Variants in NOTO observed in about 807,000 individuals in gnomAD.
The protein encoded by NOTO is notochord homeobox.
Under a neutral mutation model 20.5 loss-of-function variants are expected in NOTO, and 19 were observed. That is an observed-to-expected ratio of 0.93 (90% CI 0.65 to 1.36). The LOEUF is 1.36. Ranked by LOEUF, NOTO falls within the 40% of genes most tolerant of loss-of-function variation. NOTO has a pLI of 0.00. For synonymous variants in NOTO, 150 were observed against 150.2 expected (o/e 1.00, Z 0.01); for missense variants, 369 against 336.2 (o/e 1.10, Z -0.76).
chr2:73,210,859 T>C lies in NOTO; in HGVS notation c.686T>C (p.Leu229Pro), dbSNP rs1686169691. ...GTTACATCTGCCGAGGCTGCCTCCC[T>C]GGATGAGCCTTCCAGCAGCTCCATC... ...AAVTSAEAAS[L>P]DEPSSSSIAS... The change falls in exon 3 of 3, where the codon CTG (leucine) becomes CCG (proline). Residue 229 changes from leucine to proline, a missense_variant. By Grantham distance (98) the Leu-to-Pro change is moderately conservative. Transcript: ENST00000398468. 6.4e-7 allele frequency: 1 copy of C among 1,551,524 alleles called. No individual in the cohort carries two copies. The highest frequency in any genetic ancestry group is 1.4e-5 in the African/African-American group (1 of 73,046).
intron 1 of NOTO, 120 bp downstream of exon 1, chr2:73,203,168 A>G (rs1574334174): frequency 2.3e-6 from 2 of 885,896 alleles, no homozygotes; most frequent in Non-Finnish European, 3.1e-6. Context: ...ACACGGCTGG[A>G]GTGGGAAGGG....
At chr2:73,208,325 G>A (rs1686116879) in intron 1 of NOTO, 75 bp from the exon 2 acceptor site, 2 of 995,870 alleles carry the variant, frequency 2.0e-6, no homozygotes, top group Non-Finnish European at 3.1e-6. Context: ...ATTTTGCCCA[G>A]ATGGGAGTGC....
chr2:73,208,102 G>A lies in NOTO; in HGVS notation c.383-298G>A, dbSNP rs1686114301. On this transcript the variant is annotated intron_variant, in intron 1 of 2. Transcript: ENST00000398468. ...GAAGCAGTCAAGGAGAGGAAAGGAA[G>A]GCAAAGAGAAGGGAGGTTTGGCAAC... 2.0e-5 allele frequency among the ~76,000 whole-genome samples: 3 copies of A among 152,246 alleles called. No homozygotes were observed. In the South Asian group the frequency reaches 6.2e-4, roughly 31 times the overall value.
rs1484864071 is a variant in NOTO, at chr2:73,202,900, C to G, written c.234C>G (p.Phe78Leu). The G allele has an allele frequency of 8.5e-6, 13 of 1,528,952 alleles. No individual in the cohort carries two copies. Among genetic ancestry groups the G allele is most frequent in the Non-Finnish European group, 1.1e-5 (12 of 1,142,682 alleles). The allele number at this position is 1,528,952 out of a possible 1,614,324, so 94.7% of individuals were successfully genotyped here. Reference protein sequence around the residue: ...PSGSACVHPAFWTAASLCATG... With the variant: ...PSGSACVHPALWTAASLCATG... The stretch of plus-strand genomic sequence containing the variant: ...GCTCCGCCTGCGTCCACCCGGCCTT[C>G]TGGACCGCTGCTTCCCTGTGCGCCA... Residue 78 changes from phenylalanine (F) to leucine (L), a missense_variant, in exon 1 of 3, where the codon TTC (phenylalanine) becomes TTG (leucine). Transcript: ENST00000398468.
Position 73,208,570 on chromosome 2 carries a change from A to C in NOTO, c.553A>C (p.Lys185Gln). The C allele has an allele frequency of 1.3e-6, 2 of 1,551,558 alleles. No individual in the cohort carries two copies. The highest frequency in any genetic ancestry group is 1.7e-6 in the Non-Finnish European group (2 of 1,146,958). ...FAKQHNLVGK[K>Q]RAQLAARLKL... ...AAAACAGCACAATCTGGTGGGGAAG[A>C]AGAGAGCCCAGCTGGCAGCTCGGCT... Residue 185 changes from lysine to glutamine, a missense_variant, in exon 2 of 3, where the codon AAG becomes CAG. Physicochemically the swap from Lys to Gln is moderately conservative, Grantham distance 53 (BLOSUM62 1). Transcript: ENST00000398468.
At chr2:73,209,775 A>T (rs543184813) in intron 2 of NOTO, among the ~76,000 whole-genome samples, 2 of 152,292 alleles carry the variant, frequency 1.3e-5, no homozygotes, top group Admixed American at 6.5e-5. Flanking sequence ...TAGATGTCTC[A>T]TGGGCACATA....
At chr2:73,206,779 A>T (rs534310562) in intron 1 of NOTO, among the ~76,000 whole-genome samples, 2 of 147,332 alleles carry the variant, frequency 1.4e-5, no homozygotes, top group Non-Finnish European at 3.0e-5. Context: ...CTAGGATTCC[A>T]ACTAGAGCTT....
At position 73,211,026 on chromosome 2, in the gene NOTO, T is replaced by A; in HGVS notation, c.*97T>A. 1.0e-6 allele frequency: 1 copy of A among 984,970 alleles called. No individual in the cohort carries two copies. Among genetic ancestry groups the A allele is most frequent in the South Asian group, 1.8e-5 (1 of 55,378 alleles). 61.0% of individuals were successfully genotyped at this position (984,970 alleles called of 1,614,324 possible). A position where few individuals can be genotyped will look rare whatever the true frequency, so the allele number is the denominator to read the frequency against. ...CCTCACACCTCAACGAAAAGCCTCC[T>A]CAACCAGAAGAATCTGAGCTGTCAA... On this transcript the variant is annotated 3_prime_UTR_variant, in exon 3 of 3. Coordinates refer to ENST00000398468, the MANE Select transcript of NOTO (RefSeq NM_001134462.2).
chr2:73,204,146 C>A (rs1686051876), intron 1 of NOTO, among the ~76,000 whole-genome samples: 1 of 149,384 alleles, frequency 6.7e-6, no homozygotes, highest in Non-Finnish European at 1.5e-5. Context: ...GGCGTGGTGG[C>A]GCGCGCTTGT....
chr2:73,208,108 G>A (rs1209124017), intron 1 of NOTO, among the ~76,000 whole-genome samples: 1 of 152,264 alleles, frequency 6.6e-6, no homozygotes, highest in Non-Finnish European at 1.5e-5. Flanking sequence ...GGAAGGCAAA[G>A]AGAAGGGAGG....
At chr2:73,207,673 G>C (rs988718130) in intron 1 of NOTO, among the ~76,000 whole-genome samples, 1 of 152,076 alleles carries the variant, frequency 6.6e-6, no homozygotes, top group African/African-American at 2.4e-5. Context: ...TCCTGCCTCA[G>C]CCTCCTGAGT....
chr2:73,203,967 C>A (rs565026764), intron 1 of NOTO, among the ~76,000 whole-genome samples: 2 of 130,712 alleles, frequency 1.5e-5, no homozygotes, highest in East Asian at 3.9e-4. Flanking sequence ...GGCATGGTGG[C>A]GCGTGCCTGT....
At chr2:73,210,711 A>T in intron 2 of NOTO, 60 bp from the exon 3 acceptor site, 1 of 1,419,942 alleles carries the variant, frequency 7.0e-7, no homozygotes, top group Non-Finnish European at 9.5e-7. Context: ...CACTCCAGGA[A>T]TTAGGAAGCA....
intron 2 of NOTO, 100 bp downstream of exon 2, chr2:73,208,714 T>G: frequency 9.5e-6 from 7 of 740,328 alleles, no homozygotes; most frequent in South Asian, 1.7e-5. Flanking sequence ...ATGGGCCCTC[T>G]TCCCTGTGCC....
At position 73,208,393 on chromosome 2, in the gene NOTO, T is replaced by C; in HGVS notation, c.383-7T>C. 6.5e-7 allele frequency: 1 copy of C among 1,548,522 alleles called. No homozygotes were observed. Among genetic ancestry groups the C allele is most frequent in the Non-Finnish European group, 8.7e-7 (1 of 1,144,426 alleles). On this transcript the variant is annotated splice_region_variant and splice_polypyrimidine_tract_variant and intron_variant, in intron 1 of 2. Coordinates refer to ENST00000398468, the MANE Select transcript of NOTO (RefSeq NM_001134462.2). ...GATAACCTCCCCTGCTGCTGGTTGC[T>C]CTTTAGGGTTGGAGCTGGCTCACTG... is the stretch of plus-strand genomic sequence containing the variant.
chr2:73,207,871 T>A (rs1018146106), intron 1 of NOTO, among the ~76,000 whole-genome samples: 1 of 152,190 alleles, frequency 6.6e-6, no homozygotes, highest in African/African-American at 2.4e-5. Flanking sequence ...CCCAAATTTG[T>A]ATCCTCAGCT....
chr2:73,202,578 G>C lies in NOTO; in HGVS notation c.-89G>C, dbSNP rs556130674. 1.5e-6 allele frequency: 2 copies of C among 1,296,396 alleles called. No homozygotes were observed. The highest frequency in any genetic ancestry group is 3.2e-5 in the African/African-American group (2 of 63,472). The allele number at this position is 1,296,396 out of a possible 1,614,324, so 80.3% of individuals were successfully genotyped here. A position where few individuals can be genotyped will look rare whatever the true frequency, so the allele number is the denominator to read the frequency against. ...TTCGCCGAGCGCCAGGAGGTTCCCA[G>C]ACAACCGGTCTTGCTCGCTGCCTTT... On this transcript the variant is annotated 5_prime_UTR_variant, in exon 1 of 3. Transcript: ENST00000398468.
At chr2:73,205,328 T>C (rs998706261) in intron 1 of NOTO, among the ~76,000 whole-genome samples, 3 of 151,820 alleles carry the variant, frequency 2.0e-5, no homozygotes, top group Non-Finnish European at 4.4e-5. Flanking sequence ...CTGGGCAACA[T>C]GGCAAAACCC....
At chr2:73,206,380 C>T (rs1022503608) in intron 1 of NOTO, among the ~76,000 whole-genome samples, 8 of 152,178 alleles carry the variant, frequency 5.3e-5, no homozygotes, top group East Asian at 1.9e-4. Flanking sequence ...CGGGGTCTTA[C>T]TCTATTGGCA....
Sources: gnomAD v4.1 joint callset for allele counts (sites outside exome capture counted in the v4.1 genomes callset) on GRCh38, gnomAD v4.1.1 for gene constraint, MANE v1.5 for transcripts, NCBI Gene and HGNC (gene_info 2026-07-23, HGNC 2026-07-21) for gene names.